The following SCFD2 variants were observed in gnomAD, a reference collection of about 807,000 sequenced individuals.
The protein encoded by SCFD2 is sec1 family domain-containing protein 2.
SCFD2 carries 54 observed loss-of-function variants against 58.9 expected under a neutral mutation model. The observed-to-expected ratio is 0.92, with a 90% CI of 0.74 to 1.15. The LOEUF (loss-of-function observed/expected upper bound fraction) is 1.15. Ranked by LOEUF, SCFD2 falls within the 50% of genes most tolerant of loss-of-function variation. The probability of loss-of-function intolerance (pLI) is 0.00; values close to 1 mark genes in which losing one functional copy is unlikely to be tolerated. For synonymous variants in SCFD2, 321 were observed against 335.9 expected (o/e 0.96, Z 0.49); for missense variants, 805 against 836.6 (o/e 0.96, Z 0.47).
chr4:53,177,437 ATTTG>A (rs72291656), intron 4 of SCFD2, among the ~76,000 whole-genome samples: 148,007 of 151,800 alleles, frequency 0.98, 72,271 homozygotes, highest in East Asian at 1. Context: ...AGGTTTATTT[ATTTG>A]TTTGTTTGTT....
chr4:53,017,329 GGAGA>G (rs1172300498), intron 5 of SCFD2, among the ~76,000 whole-genome samples: 1 of 152,162 alleles, frequency 6.6e-6, no homozygotes, highest in East Asian at 1.9e-4. Flanking sequence ...TGAAAAACAA[GGAGA>G]GAGAAGATGA....
intron 4 of SCFD2, among the ~76,000 whole-genome samples, chr4:53,201,853 C>A (rs1277076124): frequency 6.6e-6 from 1 of 152,112 alleles, no homozygotes; most frequent in Non-Finnish European, 1.5e-5. Context: ...ATATCCTTGG[C>A]CCACTTTTTG....
chr4:53,257,849 C>G (rs1730694114), intron 4 of SCFD2, among the ~76,000 whole-genome samples: 1 of 151,880 alleles, frequency 6.6e-6, no homozygotes, highest in African/African-American at 2.4e-5. Flanking sequence ...ACAATCTTTT[C>G]TGCATTATGC....
intron 5 of SCFD2, among the ~76,000 whole-genome samples, chr4:53,084,144 CA>C (rs1463424656): frequency 6.6e-6 from 1 of 152,078 alleles, no homozygotes; most frequent in Non-Finnish European, 1.5e-5. Flanking sequence ...TGCTGCAGAC[CA>C]GGGCATATCT....
intron 5 of SCFD2, among the ~76,000 whole-genome samples, chr4:53,136,633 G>A (rs1205727364): frequency 6.6e-6 from 1 of 152,182 alleles, no homozygotes. Flanking sequence ...CTCCCAAAGA[G>A]AAGTTCATAT....
chr4:53,309,479 T>C (rs1298364584), intron 3 of SCFD2, among the ~76,000 whole-genome samples: 1 of 152,254 alleles, frequency 6.6e-6, no homozygotes, highest in East Asian at 1.9e-4. Context: ...CATAAAAGTG[T>C]GACCACAGAG....
At chr4:53,305,721 C>T (rs1328009390) in intron 3 of SCFD2, among the ~76,000 whole-genome samples, 1 of 151,934 alleles carries the variant, frequency 6.6e-6, no homozygotes, top group Admixed American at 6.6e-5. Context: ...TGTATCTATC[C>T]AGCTATCCAT....
At chr4:53,107,789 A>T (rs1461761193) in intron 5 of SCFD2, among the ~76,000 whole-genome samples, 1 of 152,132 alleles carries the variant, frequency 6.6e-6, no homozygotes. Flanking sequence ...AGACTTTAAC[A>T]CCCCACTGTC....
chr4:53,026,657 C>T (rs1193131635), intron 5 of SCFD2, among the ~76,000 whole-genome samples: 2 of 152,160 alleles, frequency 1.3e-5, no homozygotes, highest in South Asian at 2.1e-4. Context: ...CATCATGTAG[C>T]GTTTTAGGCA....
intron 5 of SCFD2, among the ~76,000 whole-genome samples, chr4:53,059,519 G>A (rs1398054630): frequency 6.6e-6 from 1 of 152,106 alleles, no homozygotes; most frequent in Non-Finnish European, 1.5e-5. Context: ...TTCAGAGCCT[G>A]AGTATTTAAA....
At chr4:53,126,840 T>G (rs1171687450) in intron 5 of SCFD2, among the ~76,000 whole-genome samples, 1 of 152,060 alleles carries the variant, frequency 6.6e-6, no homozygotes, top group Non-Finnish European at 1.5e-5. Flanking sequence ...AAAAGTTATT[T>G]GGCCTGTTTC....
chr4:53,225,448 G>T (rs1729182436), intron 4 of SCFD2, among the ~76,000 whole-genome samples: 1 of 152,106 alleles, frequency 6.6e-6, no homozygotes, highest in African/African-American at 2.4e-5. Flanking sequence ...TCTGTTGAAT[G>T]ATGTTTTCCT....
intron 5 of SCFD2, among the ~76,000 whole-genome samples, chr4:53,120,572 T>C (rs997319671): frequency 9.9e-5 from 15 of 152,182 alleles, no homozygotes; most frequent in African/African-American, 3.4e-4. Flanking sequence ...TAAGCGTTCA[T>C]GGTTAACATC....
At chr4:53,268,338 C>A (rs1241455409) in intron 4 of SCFD2, among the ~76,000 whole-genome samples, 2 of 151,970 alleles carry the variant, frequency 1.3e-5, no homozygotes, top group Non-Finnish European at 2.9e-5. Context: ...GGTGTCCATA[C>A]GACTACCAGG....
At chr4:53,011,261 C>T (rs769581187) in intron 5 of SCFD2, among the ~76,000 whole-genome samples, 117 of 150,598 alleles carry the variant, frequency 7.8e-4, no homozygotes, top group Non-Finnish European at 1.1e-3. Context: ...GCTTTTTTTT[C>T]CCCCCCAAAG....
chr4:52,907,088 T>C (rs934320243), intron 7 of SCFD2, among the ~76,000 whole-genome samples: 7 of 152,142 alleles, frequency 4.6e-5, no homozygotes, highest in Admixed American at 4.6e-4. Flanking sequence ...ACATAATCAG[T>C]TCTAGAATTA....
At chr4:53,092,680 C>T (rs1233693875) in intron 5 of SCFD2, among the ~76,000 whole-genome samples, 2 of 151,832 alleles carry the variant, frequency 1.3e-5, no homozygotes, top group Non-Finnish European at 2.9e-5. Context: ...TGACAGATCT[C>T]AAGGGTATTT....
chr4:53,144,484 G>A (rs1200536146), intron 5 of SCFD2, among the ~76,000 whole-genome samples: 2 of 146,746 alleles, frequency 1.4e-5, no homozygotes, highest in African/African-American at 5.0e-5. Flanking sequence ...ATACAGGTGT[G>A]TATATATATA....
At chr4:53,068,752 A>G (rs1390215431) in intron 5 of SCFD2, among the ~76,000 whole-genome samples, 3 of 152,180 alleles carry the variant, frequency 2.0e-5, no homozygotes, top group Admixed American at 2.0e-4. Flanking sequence ...AGCTTTGGAC[A>G]TTCAATATTT....
Sources: allele counts gnomAD v4.1 joint callset (sites outside exome capture counted in the v4.1 genomes callset), GRCh38; gene constraint gnomAD v4.1.1; transcripts MANE v1.5; gene names NCBI Gene and HGNC (gene_info 2026-07-23, HGNC 2026-07-21).